CHCHD3: variants seen among roughly 807,000 people sequenced by gnomAD.
CHCHD3 encodes MICOS complex subunit MIC19.
CHCHD3 carries 20 observed loss-of-function variants against 38.2 expected under a neutral mutation model. The ratio of observed to expected loss-of-function variants is 0.52; its 90% confidence interval spans 0.37 to 0.76. The LOEUF (loss-of-function observed/expected upper bound fraction) is 0.76. Among genes scored for constraint, CHCHD3 ranks in the 30% least tolerant of loss-of-function variants. The pLI, the probability that CHCHD3 is intolerant of heterozygous loss-of-function variation, is 0.00. For missense variants in CHCHD3, 245 were observed against 279.2 expected, an observed-to-expected ratio of 0.88 and a Z score of 0.87; for synonymous variants, 82 against 100.0, an observed-to-expected ratio of 0.82 and a Z score of 1.07.
chr7:132,984,674 C>T (rs1267032206), intron 3 of CHCHD3, among the ~76,000 whole-genome samples: 53 of 150,666 alleles, frequency 3.5e-4, no homozygotes, highest in African/African-American at 1.1e-3. Flanking sequence ...TCTGCCCTGC[C>T]GCCCCGTCTG....
intron 6 of CHCHD3, among the ~76,000 whole-genome samples, chr7:132,827,296 A>C (rs1004073803): frequency 5.3e-5 from 8 of 152,210 alleles, no homozygotes; most frequent in Middle Eastern, 3.2e-3. Flanking sequence ...TGGAATTTGG[A>C]ATATTTGCAT....
intron 6 of CHCHD3, among the ~76,000 whole-genome samples, chr7:132,820,197 C>G (rs1807311044): frequency 6.6e-6 from 1 of 152,130 alleles, no homozygotes; most frequent in Non-Finnish European, 1.5e-5. Flanking sequence ...AACACTCAAC[C>G]AAACACATAA....
intron 4 of CHCHD3, among the ~76,000 whole-genome samples, chr7:132,900,151 A>T (rs1809630269): frequency 3.4e-5 from 1 of 29,700 alleles, no homozygotes; most frequent in African/African-American, 1.5e-4. Context: ...ACCTCATACC[A>T]CCTGGCAAAC....
chr7:133,046,863 A>G (rs1431524839), intron 2 of CHCHD3, among the ~76,000 whole-genome samples: 2 of 152,102 alleles, frequency 1.3e-5, no homozygotes, highest in African/African-American at 4.8e-5. Flanking sequence ...GCACCCGGCC[A>G]TATTTTTTGT....
intron 3 of CHCHD3, among the ~76,000 whole-genome samples, chr7:133,003,463 C>T (rs920907617): frequency 6.6e-6 from 1 of 152,098 alleles, no homozygotes; most frequent in Non-Finnish European, 1.5e-5. Context: ...ACAATCAAGC[C>T]TTTATTTTTA....
At chr7:132,978,359 A>T (rs1811826623) in intron 3 of CHCHD3, among the ~76,000 whole-genome samples, 1 of 152,136 alleles carries the variant, frequency 6.6e-6, no homozygotes. Flanking sequence ...AATTGACTCT[A>T]CTAACTCCAG....
intron 4 of CHCHD3, among the ~76,000 whole-genome samples, chr7:132,906,160 A>G (rs1346122112): frequency 2.0e-5 from 3 of 152,252 alleles, no homozygotes; most frequent in African/African-American, 7.2e-5. Context: ...TGATAAATAC[A>G]TACAATGTTA....
At chr7:133,065,632 T>C (rs1279555003) in intron 2 of CHCHD3, among the ~76,000 whole-genome samples, 1 of 152,248 alleles carries the variant, frequency 6.6e-6, no homozygotes, top group Non-Finnish European at 1.5e-5. Flanking sequence ...TTTTTATCAA[T>C]ACATTTTTGT....
intron 6 of CHCHD3, among the ~76,000 whole-genome samples, chr7:132,823,192 C>A (rs1403891977): frequency 1.3e-5 from 2 of 151,238 alleles, no homozygotes; most frequent in Non-Finnish European, 1.5e-5. Context: ...TCCCTTGTTA[C>A]AAGAAAAAAA....
At chr7:132,944,519 A>G (rs1028314410) in intron 4 of CHCHD3, among the ~76,000 whole-genome samples, 2 of 152,040 alleles carry the variant, frequency 1.3e-5, no homozygotes, top group Non-Finnish European at 2.9e-5. Context: ...AATATTAGTA[A>G]TATGAAAAAA....
At chr7:132,831,129 A>C (rs72607791) in intron 6 of CHCHD3, among the ~76,000 whole-genome samples, 4,631 of 152,260 alleles carry the variant, frequency 0.03, 434 homozygotes, top group East Asian at 0.21. Context: ...TAAACTTTTC[A>C]TTATGAAGGA....
intron 2 of CHCHD3, among the ~76,000 whole-genome samples, chr7:133,036,179 T>A (rs554267451): frequency 2.0e-4 from 31 of 152,266 alleles, no homozygotes; most frequent in African/African-American, 7.5e-4. Context: ...GTAAACATAA[T>A]TCTTCTCTAA....
rs114417120 is a variant in CHCHD3, at chr7:132,854,555, A to C, written c.454-16086T>G. On this transcript the variant is annotated intron_variant, in intron 5 of 7. Transcript: ENST00000262570. Reference sequence around the variant, plus strand: ...ACCTATGCAACCACAAGGTCAATACAGATGAGAGAGTGGGGATTAATTTTC... The same window carrying C: ...ACCTATGCAACCACAAGGTCAATACCGATGAGAGAGTGGGGATTAATTTTC... 1.6e-3 allele frequency among the ~76,000 whole-genome samples: 251 copies of C among 152,320 alleles called. 1 individual carries two copies. The highest frequency in any genetic ancestry group is 5.7e-3 in the African/African-American group (238 of 41,564).
chr7:132,847,986 G>A (rs867354311), intron 5 of CHCHD3, among the ~76,000 whole-genome samples: 30 of 152,116 alleles, frequency 2.0e-4, no homozygotes, highest in Admixed American at 1.3e-4. Flanking sequence ...AGAACAAGAC[G>A]ATTGCCTGTC....
At chr7:132,866,046 G>T (rs185933437) in intron 5 of CHCHD3, among the ~76,000 whole-genome samples, 262 of 152,240 alleles carry the variant, frequency 1.7e-3, no homozygotes, top group Non-Finnish European at 3.2e-3. Flanking sequence ...ACCATCAACT[G>T]CACAACCTTG....
At chr7:132,786,178 T>C (rs922880377) in intron 7 of CHCHD3, among the ~76,000 whole-genome samples, 3 of 152,108 alleles carry the variant, frequency 2.0e-5, no homozygotes, top group Admixed American at 6.5e-5. Context: ...CTGTCTCAAA[T>C]AGAAAGCAAA....
intron 3 of CHCHD3, among the ~76,000 whole-genome samples, chr7:133,000,403 A>C (rs998869794): frequency 6.6e-6 from 1 of 152,208 alleles, no homozygotes; most frequent in Admixed American, 6.5e-5. Flanking sequence ...ACCGAGCACA[A>C]TCCAGAAATC....
intron 4 of CHCHD3, among the ~76,000 whole-genome samples, chr7:132,889,797 T>C (rs903788511): frequency 5.9e-5 from 9 of 152,270 alleles, no homozygotes; most frequent in African/African-American, 1.9e-4. Flanking sequence ...CTAGAATACA[T>C]TGACTAAGCT....
chr7:132,914,494 A>G (rs1177576138), intron 4 of CHCHD3, among the ~76,000 whole-genome samples: 3 of 152,246 alleles, frequency 2.0e-5, no homozygotes, highest in Non-Finnish European at 2.9e-5. Context: ...GTACATGATT[A>G]ATAGAAAATA....
Sources: allele counts gnomAD v4.1 joint callset (sites outside exome capture counted in the v4.1 genomes callset), GRCh38; gene constraint gnomAD v4.1.1; transcripts MANE v1.5; gene names NCBI Gene and HGNC (gene_info 2026-07-23, HGNC 2026-07-21).